The following NPAS3 variants were observed in gnomAD, a reference collection of about 807,000 sequenced individuals.
NPAS3 encodes neuronal PAS domain protein 3.
NPAS3 carries 14 observed loss-of-function variants against 73.1 expected under a neutral mutation model. The ratio of observed to expected loss-of-function variants is 0.19; its 90% confidence interval spans 0.13 to 0.30. NPAS3 has a LOEUF of 0.30. Ranked by LOEUF, NPAS3 falls within the 10% of genes least tolerant of loss-of-function variation. NPAS3 has a pLI of 1.00. For missense variants in NPAS3, 1,096 were observed against 1,250.0 expected, an observed-to-expected ratio of 0.88 and a Z score of 1.86; for synonymous variants, 620 against 541.5, an observed-to-expected ratio of 1.14 and a Z score of -2.01.
At chr14:33,326,022 A>C (rs2043688762) in intron 3 of NPAS3, among the ~76,000 whole-genome samples, 2 of 152,184 alleles carry the variant, frequency 1.3e-5, no homozygotes, top group East Asian at 3.9e-4. Context: ...TATGGTGGTT[A>C]GAAAATAAGA....
At chr14:33,628,136 A>G (rs1180280559) in intron 5 of NPAS3, among the ~76,000 whole-genome samples, 2 of 152,246 alleles carry the variant, frequency 1.3e-5, no homozygotes, top group African/African-American at 4.8e-5. Flanking sequence ...TCTTTGTCTT[A>G]CAGTTTAACT....
intron 1 of NPAS3, among the ~76,000 whole-genome samples, chr14:32,979,006 T>C (rs921147736): frequency 6.6e-6 from 1 of 152,132 alleles, no homozygotes; most frequent in Admixed American, 6.6e-5. Context: ...AAAAAATAAC[T>C]GTTGAGTAAT....
chr14:33,276,116 A>C (rs1343787257), intron 3 of NPAS3, among the ~76,000 whole-genome samples: 5 of 152,176 alleles, frequency 3.3e-5, no homozygotes, highest in Non-Finnish European at 5.9e-5. Context: ...GCATGACCAC[A>C]TCACCATTAG....
chr14:33,057,793 G>A (rs936542160), intron 2 of NPAS3, among the ~76,000 whole-genome samples: 1 of 152,140 alleles, frequency 6.6e-6, no homozygotes, highest in Non-Finnish European at 1.5e-5. Context: ...ATGAAGAAGG[G>A]GAGGAAATCC....
Position 33,602,667 on chromosome 14 carries a change from T to TTGG in NPAS3, c.558+42471_558+42473dup, listed in dbSNP as rs532057132. 1.4e-4 allele frequency among the ~76,000 whole-genome samples: 21 copies of TTGG among 152,226 alleles called. No individual in the cohort carries two copies. In the East Asian group the frequency reaches 4.1e-3, roughly 29 times the overall value. ...AGTGCTTAATGGCATTATGGGTTTG[T>TTGG]TGGTGGTGGTGGTGGTTTGTTTTTG... is the stretch of plus-strand genomic sequence containing the variant. On this transcript the variant is annotated intron_variant, in intron 5 of 11. Transcript: ENST00000356141.
At chr14:33,136,184 C>G (rs1002909901) in intron 2 of NPAS3, among the ~76,000 whole-genome samples, 1 of 151,358 alleles carries the variant, frequency 6.6e-6, no homozygotes, top group African/African-American at 2.4e-5. Flanking sequence ...CCTCAGCCTC[C>G]TGAGAACCTG....
At chr14:33,140,636 C>T (rs1315911269) in intron 2 of NPAS3, among the ~76,000 whole-genome samples, 1 of 152,046 alleles carries the variant, frequency 6.6e-6, no homozygotes, top group Non-Finnish European at 1.5e-5. Context: ...TTGCTTTTCC[C>T]ATCGATGCAG....
chr14:33,347,440 G>A, intron 3 of NPAS3, among the ~76,000 whole-genome samples: 1 of 152,186 alleles, frequency 6.6e-6, no homozygotes, highest in Non-Finnish European at 1.5e-5. Context: ...ATATAAAATG[G>A]CTGCTAGAAC....
At chr14:33,174,086 T>C (rs1234065874) in intron 2 of NPAS3, among the ~76,000 whole-genome samples, 1 of 152,210 alleles carries the variant, frequency 6.6e-6, no homozygotes, top group Non-Finnish European at 1.5e-5. Context: ...AAATAGTGTG[T>C]TATGCTCTCT....
At chr14:33,455,719 C>T (rs1301980811) in intron 4 of NPAS3, among the ~76,000 whole-genome samples, 3 of 152,146 alleles carry the variant, frequency 2.0e-5, no homozygotes, top group Non-Finnish European at 4.4e-5. Flanking sequence ...ACCGCATCTG[C>T]CTGACATAAA....
chr14:33,083,049 G>T (rs965621995), intron 2 of NPAS3, among the ~76,000 whole-genome samples: 2 of 151,718 alleles, frequency 1.3e-5, no homozygotes, highest in Non-Finnish European at 1.5e-5. Context: ...CAGGTGTGGG[G>T]GCGTGTGCCT....
chr14:33,692,784 G>A (rs945127585), intron 6 of NPAS3, among the ~76,000 whole-genome samples: 1 of 142,838 alleles, frequency 7.0e-6, no homozygotes, highest in African/African-American at 2.6e-5. Flanking sequence ...GTGAGCTTTG[G>A]GGTTTTTTTA....
Position 33,718,104 on chromosome 14 carries a change from C to T in NPAS3, c.734-17110C>T, listed in dbSNP as rs375504671. ...TTTGGCACACGCAACGCCAAACCAGCAGCTGCTGACTTGCAAACTCAAGCT... is the reference window on the plus strand; with the variant it reads ...TTTGGCACACGCAACGCCAAACCAGTAGCTGCTGACTTGCAAACTCAAGCT... On this transcript the variant is annotated intron_variant, in intron 6 of 11. Coordinates refer to ENST00000356141, the Ensembl canonical transcript of NPAS3. Among the ~76,000 whole-genome samples, 6 of 152,220 alleles carry T rather than the reference C, an allele frequency of 3.9e-5. No homozygotes were observed. The South Asian group carries it at 1.2e-3, about 32-fold the overall frequency.
chr14:33,024,752 C>T (rs376077838), intron 1 of NPAS3, among the ~76,000 whole-genome samples: 16 of 152,228 alleles, frequency 1.1e-4, no homozygotes, highest in African/African-American at 3.9e-4. Context: ...TAGGCTAATT[C>T]TGAATGTTGG....
At chr14:33,457,501 G>C (rs2050074587) in intron 4 of NPAS3, among the ~76,000 whole-genome samples, 1 of 152,338 alleles carries the variant, frequency 6.6e-6, no homozygotes, top group East Asian at 1.9e-4. Context: ...ATGCTGAGAA[G>C]GGCATAGCAG....
chr14:33,128,753 T>A lies in NPAS3; in HGVS notation c.140+72759T>A, dbSNP rs543041169. ...AATGAATGAATTGAATACATTGTGT[T>A]GCTTCTCACAGATGTGTTTATGAGG... On this transcript the variant is annotated intron_variant, in intron 2 of 11. Transcript: ENST00000356141. 1.8e-3 allele frequency among the ~76,000 whole-genome samples: 278 copies of A among 152,230 alleles called. 2 individuals are homozygous for A. Among genetic ancestry groups the A allele is most frequent in the African/African-American group, 6.4e-3 (267 of 41,536 alleles).
intron 3 of NPAS3, among the ~76,000 whole-genome samples, chr14:33,269,492 G>A (rs1500719): frequency 0.15 from 22,068 of 152,120 alleles, 1,680 homozygotes; most frequent in East Asian, 0.23. Flanking sequence ...ACTAAACATA[G>A]GCATTTAGAT....
intron 2 of NPAS3, among the ~76,000 whole-genome samples, chr14:33,175,924 AC>A (rs1427296014): frequency 6.6e-6 from 1 of 152,200 alleles, no homozygotes; most frequent in Non-Finnish European, 1.5e-5. Flanking sequence ...AACAACAACA[AC>A]AAAAAAAATC....
intron 2 of NPAS3, among the ~76,000 whole-genome samples, chr14:33,066,935 C>T (rs992999111): frequency 3.3e-5 from 5 of 152,166 alleles, no homozygotes; most frequent in Admixed American, 6.5e-5. Context: ...AAAGAACATG[C>T]TCCAAATATG....
Sources: allele counts gnomAD v4.1 joint callset (sites outside exome capture counted in the v4.1 genomes callset), GRCh38; gene constraint gnomAD v4.1.1; transcripts MANE v1.5; gene names NCBI Gene and HGNC (gene_info 2026-07-23, HGNC 2026-07-21).